OSBPL5: variants seen among roughly 807,000 people sequenced by gnomAD.
The protein encoded by OSBPL5 is oxysterol binding protein like 5.
OSBPL5 carries 71 observed loss-of-function variants against 111.2 expected under a neutral mutation model. That is an observed-to-expected ratio of 0.64 (90% CI 0.53 to 0.78). The LOEUF is 0.78. OSBPL5 is among the 30% of genes least tolerant of loss of function. The pLI, the probability that OSBPL5 is intolerant of heterozygous loss-of-function variation, is 0.00. For missense variants in OSBPL5, 1,210 were observed against 1,189.3 expected, an observed-to-expected ratio of 1.02 and a Z score of -0.26; for synonymous variants, 549 against 513.9, an observed-to-expected ratio of 1.07 and a Z score of -0.93.
At position 3,126,712 on chromosome 11, in the gene OSBPL5, A is replaced by G. The variant is rs559688100; in HGVS notation, c.137-157T>C. The G allele has an allele frequency of 3.3e-5, 18 of 551,576 alleles. No individual in the cohort carries two copies. In the African/African-American group the frequency reaches 3.3e-4, roughly 10 times the overall value. 34.2% of individuals were successfully genotyped at this position (551,576 alleles called of 1,614,324 possible). On this transcript the variant is annotated intron_variant, in intron 2 of 21. Transcript: ENST00000263650. The surrounding 1 kb of genome is among the most constrained non-coding windows in gnomAD (Gnocchi z 6.5). The stretch of plus-strand genomic sequence containing the variant: ...GGTGGCAGGAACAGGACACTGCCTG[A>G]GAGGTGTAATAAACGCCAGCAAGCG...
chr11:3,143,711 G>A (rs577777911), intron 1 of OSBPL5, among the ~76,000 whole-genome samples: 1 of 152,220 alleles, frequency 6.6e-6, no homozygotes, highest in Admixed American at 6.5e-5. Flanking sequence ...GTTCTGTCCC[G>A]GTTTCCTGGG....
chr11:3,142,173 C>T lies in OSBPL5; in HGVS notation c.-21-13004G>A, dbSNP rs1846142404. Among the ~76,000 whole-genome samples, 1 of 152,234 alleles carries T rather than the reference C, an allele frequency of 6.6e-6. No homozygotes were observed. Among genetic ancestry groups the T allele is most frequent in the African/African-American group, 2.4e-5 (1 of 41,464 alleles). ...ACCTCAAGTGATCTGCCCTCCTCGG[C>T]GTCCCAAAGTGCTGGGATTACAGGC... On this transcript the variant is annotated intron_variant, in intron 1 of 21. Coordinates refer to ENST00000263650, the MANE Select transcript of OSBPL5 (RefSeq NM_020896.4). This position sits in a 1 kb window ranked among gnomAD's most constrained non-coding sequence, Gnocchi z 7.1.
At chr11:3,122,649 C>T (rs937856563) in intron 3 of OSBPL5, among the ~76,000 whole-genome samples, 5 of 151,960 alleles carry the variant, frequency 3.3e-5, no homozygotes, top group Admixed American at 6.5e-5. Flanking sequence ...CATGGGCACA[C>T]GCCAGTGACA....
intron 12 of OSBPL5, among the ~76,000 whole-genome samples, 185 bp from the exon 13 acceptor site, chr11:3,101,884 T>G (rs759182673): frequency 3.3e-5 from 5 of 152,166 alleles, no homozygotes; most frequent in Non-Finnish European, 7.4e-5. Flanking sequence ...AGGCCTCAGC[T>G]GTGGGGCTTG....
At chr11:3,117,478 C>T (rs1363914714) in intron 7 of OSBPL5, among the ~76,000 whole-genome samples, 1 of 152,134 alleles carries the variant, frequency 6.6e-6, no homozygotes, top group African/African-American at 2.4e-5. Context: ...AATTTAAAAG[C>T]CTATGTAAAA....
At chr11:3,088,928 G>A (rs971652240) in intron 21 of OSBPL5, among the ~76,000 whole-genome samples, 1 of 152,112 alleles carries the variant, frequency 6.6e-6, no homozygotes, top group Non-Finnish European at 1.5e-5. Flanking sequence ...CGCGCTGTCC[G>A]AGCCCCTTGC....
chr11:3,153,710 C>T (rs1185671934), intron 1 of OSBPL5, among the ~76,000 whole-genome samples: 1 of 152,202 alleles, frequency 6.6e-6, no homozygotes, highest in Non-Finnish European at 1.5e-5. Flanking sequence ...TGAGGTCATT[C>T]GTTAAACCTC....
intron 1 of OSBPL5, among the ~76,000 whole-genome samples, chr11:3,143,137 G>A (rs1411249203): frequency 1.9e-5 from 2 of 107,194 alleles, no homozygotes; most frequent in South Asian, 8.0e-4. Flanking sequence ...GTGCAGAGGG[G>A]GGCAGAGGAG....
chr11:3,100,199 G>A lies in OSBPL5; in HGVS notation c.1580C>T (p.Ala527Val). Reference sequence around the variant, plus strand: ...GGGCATGGTAAGGGTGTAATCCTCGGCTCGGTTCAGGAAGGTGAGCGTGGC... The same window carrying A: ...GGGCATGGTAAGGGTGTAATCCTCGACTCGGTTCAGGAAGGTGAGCGTGGC... ...GKATLTFLNR[A>V]EDYTLTMPYA... The change falls in exon 14 of 22, where the codon GCC becomes GTC. Residue 527 changes from alanine (A) to valine (V), a missense_variant. Ala to Val is a moderately conservative substitution (Grantham distance 64). Coordinates refer to ENST00000263650, the MANE Select transcript of OSBPL5 (RefSeq NM_020896.4). 6.2e-7 allele frequency: 1 copy of A among 1,614,134 alleles called. No individual in the cohort carries two copies. Among genetic ancestry groups the A allele is most frequent in the Admixed American group, 1.7e-5 (1 of 60,024 alleles).
chr11:3,104,176 C>G lies in OSBPL5; in HGVS notation c.1244+17G>C. 11 of 1,590,888 alleles carry G rather than the reference C, an allele frequency of 6.9e-6. No homozygotes were observed. Among genetic ancestry groups the G allele is most frequent in the Non-Finnish European group, 7.7e-6 (9 of 1,163,446 alleles). The stretch of plus-strand genomic sequence containing the variant: ...GCAGGACGAGGTGTGGGGTGCCCCT[C>G]CCGGCATGGCGCGCACCTGGAGAGC... On this transcript the variant is annotated intron_variant, in intron 10 of 21. Coordinates refer to ENST00000263650, the MANE Select transcript of OSBPL5 (RefSeq NM_020896.4). This position sits in a 1 kb window ranked among gnomAD's most constrained non-coding sequence, Gnocchi z 5.0.
intron 11 of OSBPL5, 152 bp from the exon 12 acceptor site, chr11:3,102,433 C>G: frequency 1.4e-6 from 1 of 692,052 alleles, no homozygotes. Flanking sequence ...CAACACCTCA[C>G]TTCTGCTTTG....
Position 3,093,627 on chromosome 11 carries a change from T to A in OSBPL5, c.1846A>T (p.Ser616Cys). The A allele has an allele frequency of 6.2e-7, 1 of 1,613,132 alleles. No individual in the cohort carries two copies. Among genetic ancestry groups the A allele is most frequent in the Non-Finnish European group, 8.5e-7 (1 of 1,179,982 alleles). ...DVFIKEEGSG[S>C]SALFWTPSGE... ...CTCGGGGTCCAGAAAAGCGCACTGC[T>A]TCCGCTCCCTTCCTCCTTGATAAAC... is the stretch of plus-strand genomic sequence containing the variant. Residue 616 changes from serine (S) to cysteine (C), a missense_variant, in exon 17 of 22, where the codon AGC (serine) becomes TGC (cysteine). Ser to Cys is a moderately radical substitution (Grantham distance 112). Transcript: ENST00000263650.
chr11:3,156,102 GGGGAA>G (rs1564869124), intron 1 of OSBPL5, among the ~76,000 whole-genome samples: 2 of 152,324 alleles, frequency 1.3e-5, no homozygotes, highest in Admixed American at 6.5e-5. Flanking sequence ...CTGGGACAAG[GGGGAA>G]GGGAAGGGAA....
chr11:3,125,986 A>C (rs1411226334), intron 3 of OSBPL5, among the ~76,000 whole-genome samples: 1 of 152,180 alleles, frequency 6.6e-6, no homozygotes, highest in Non-Finnish European at 1.5e-5. Flanking sequence ...CATTTCAAAG[A>C]AAAAGGAAAA....
At chr11:3,108,087 C>T in intron 7 of OSBPL5, 142 bp from the exon 8 acceptor site, 2 of 1,074,186 alleles carry the variant, frequency 1.9e-6, no homozygotes, top group African/African-American at 3.2e-5. Context: ...TGGCCCTGCC[C>T]CAGCAGGGAC....
At chr11:3,111,074 C>A (rs896025800) in intron 7 of OSBPL5, among the ~76,000 whole-genome samples, 5 of 152,050 alleles carry the variant, frequency 3.3e-5, no homozygotes, top group African/African-American at 1.2e-4. Flanking sequence ...GTGCTTGGTA[C>A]CAGCTTGAGC....
chr11:3,152,587 C>T (rs1272353933), intron 1 of OSBPL5, among the ~76,000 whole-genome samples: 2 of 152,178 alleles, frequency 1.3e-5, no homozygotes, highest in African/African-American at 2.4e-5. Flanking sequence ...GCAGGATTAT[C>T]GGGAGCGGCC....
intron 1 of OSBPL5, among the ~76,000 whole-genome samples, chr11:3,132,193 T>C (rs4758469): frequency 0.86 from 131,308 of 151,866 alleles, 57,374 homozygotes; most frequent in African/African-American, 0.96. Flanking sequence ...AACACTGATA[T>C]GGAACAGACA....
intron 1 of OSBPL5, among the ~76,000 whole-genome samples, chr11:3,131,429 AATCCATCC>A (rs757844497): frequency 8.9e-6 from 1 of 112,444 alleles, no homozygotes. Flanking sequence ...TCTATCCATC[AATCCATCC>A]ATCCATCCAT....
Sources: allele counts gnomAD v4.1 joint callset (sites outside exome capture counted in the v4.1 genomes callset), GRCh38; gene constraint gnomAD v4.1.1; non-coding constraint Gnocchi (gnomAD v3.1); transcripts MANE v1.5; gene names NCBI Gene and HGNC (gene_info 2026-07-23, HGNC 2026-07-21).